The following ZP3 variants were observed in gnomAD, a reference collection of about 807,000 sequenced individuals.
ZP3 encodes the protein zona pellucida sperm-binding protein 3.
In ZP3, 21 loss-of-function variants were observed where a neutral mutation model predicts 35.6. The ratio of observed to expected loss-of-function variants is 0.59; its 90% confidence interval spans 0.42 to 0.85. ZP3 has a LOEUF of 0.85. Among genes scored for constraint, ZP3 ranks in the 40% least tolerant of loss-of-function variants. The pLI, the probability that ZP3 is intolerant of heterozygous loss-of-function variation, is 0.00. For missense variants in ZP3, 437 were observed against 536.5 expected (o/e 0.81, Z 1.83); for synonymous variants, 207 against 214.5 (o/e 0.96, Z 0.31).
chr7:76,401,878 C>G (rs1310429585), intron 1 of ZP3, among the ~76,000 whole-genome samples: 1 of 152,202 alleles, frequency 6.6e-6, no homozygotes, highest in African/African-American at 2.4e-5. Flanking sequence ...TGTCTCAACT[C>G]TGTGTCCCCA....
intron 1 of ZP3, among the ~76,000 whole-genome samples, chr7:76,427,837 C>T (rs966962415): frequency 3.3e-5 from 5 of 152,228 alleles, no homozygotes; most frequent in South Asian, 4.1e-4. Flanking sequence ...CACATGCCAC[C>T]GTGCCCAGCC....
At position 76,425,256 on chromosome 7, in the gene ZP3, G is replaced by C. The variant is rs751792813; in HGVS notation, c.292G>C (p.Glu98Gln). ...DVVRFEVGLH[E>Q]CGNSMQVTDD... The stretch of plus-strand genomic sequence containing the variant: ...GGTCAGGTTTGAGGTTGGACTCCAC[G>C]AGTGTGGCAACAGCATGCAGGTAAG... Residue 98 changes from glutamate (E) to glutamine (Q), a missense_variant, in exon 1 of 8, where the codon GAG becomes CAG. This residue lies in a region of ZP3 where 352 missense variants were observed against 308.4 expected (regional missense o/e 1.14). Transcript: ENST00000394857. The C allele has an allele frequency of 1.2e-5, 20 of 1,609,012 alleles. No homozygotes were observed. The highest frequency in any genetic ancestry group is 1.7e-5 in the Non-Finnish European group (20 of 1,176,930).
At chr7:76,427,278 A>G (rs1805696469) in intron 1 of ZP3, among the ~76,000 whole-genome samples, 1 of 152,104 alleles carries the variant, frequency 6.6e-6, no homozygotes, top group Non-Finnish European at 1.5e-5. Context: ...GCACTTTGGG[A>G]GGCCGAGGCG....
At chr7:76,425,318 C>T (rs766502929) in intron 1 of ZP3, 42 bp downstream of exon 1, 37 of 1,563,036 alleles carry the variant, frequency 2.4e-5, no homozygotes, top group Non-Finnish European at 2.9e-5. Context: ...GGAGGATGTT[C>T]GAGGCAGCCG....
intron 5 of ZP3, among the ~76,000 whole-genome samples, chr7:76,437,264 C>T (rs545941014): frequency 1.3e-5 from 2 of 150,786 alleles, no homozygotes; most frequent in African/African-American, 4.9e-5. Context: ...CAACCTCCAC[C>T]TCCTTATTCA....
At chr7:76,397,809 C>T in intron 1 of ZP3, 10 of 1,594,834 alleles carry the variant, frequency 6.3e-6, no homozygotes, top group South Asian at 1.1e-5. Context: ...TTCGCGCCCC[C>T]TACCAGGCGT....
chr7:76,416,642 A>T (rs1805375801), intron 1 of ZP3, among the ~76,000 whole-genome samples: 1 of 151,800 alleles, frequency 6.6e-6, no homozygotes. Flanking sequence ...CTCTGTCTCT[A>T]CAAAAAAATA....
Position 76,425,217 on chromosome 7 carries a change from G to C in ZP3, c.253G>C (p.Asp85His). 6.2e-7 allele frequency: 1 copy of C among 1,613,842 alleles called. No homozygotes were observed. The highest frequency in any genetic ancestry group is 1.1e-5 in the South Asian group (1 of 91,074). The change falls in exon 1 of 8, where the codon GAC (aspartate) becomes CAC (histidine). Residue 85 changes from aspartate (D) to histidine (H), a missense_variant. Physicochemically the swap from Asp to His is moderately conservative, Grantham distance 81. Around this residue, in one of 6 missense-constraint regions of ZP3, gnomAD observed 352 missense variants for 308.4 expected, o/e 1.14. Transcript: ENST00000394857. ...GGCCTGTGAGCCTCTGGTCTCCATG[G>C]ACACAGAAGATGTGGTCAGGTTTGA... is the stretch of plus-strand genomic sequence containing the variant. Reference protein sequence around the residue: ...PEACEPLVSMDTEDVVRFEVG... With the variant: ...PEACEPLVSMHTEDVVRFEVG...
exon 1 of ZP3, chr7:76,397,704 G>A (rs1273588925): frequency 6.2e-7 from 1 of 1,613,348 alleles, no homozygotes; most frequent in Non-Finnish European, 8.5e-7. Context: ...CCCAGCTGAC[G>A]ACAGACCACA....
At chr7:76,405,961 C>T (rs962602339) in intron 1 of ZP3, among the ~76,000 whole-genome samples, 18 of 145,168 alleles carry the variant, frequency 1.2e-4, no homozygotes, top group African/African-American at 4.7e-4. Context: ...TTCCTTCCTT[C>T]CTTCTTCCTT....
At chr7:76,406,286 C>T (rs1336473476) in intron 1 of ZP3, among the ~76,000 whole-genome samples, 1 of 152,064 alleles carries the variant, frequency 6.6e-6, no homozygotes, top group Non-Finnish European at 1.5e-5. Flanking sequence ...TCTGTGCATT[C>T]GAAATATAGT....
At chr7:76,423,864 A>G (rs2115877250), upstream of ZP3, among the ~76,000 whole-genome samples, 1 of 152,046 alleles carries the variant, frequency 6.6e-6, no homozygotes, top group Admixed American at 6.6e-5. Flanking sequence ...TGTCTCAAAA[A>G]AAAAAAAGAA....
chr7:76,440,147 C>G, intron 5 of ZP3, 103 bp from the exon 6 acceptor site: 37 of 1,476,662 alleles, frequency 2.5e-5, no homozygotes, highest in Non-Finnish European at 3.4e-5. Context: ...GCACCCGGCC[C>G]CTTCTCACTC....
At chr7:76,423,889 T>G (rs1379712117), upstream of ZP3, among the ~76,000 whole-genome samples, 4 of 148,810 alleles carry the variant, frequency 2.7e-5, no homozygotes, top group Non-Finnish European at 4.4e-5. Flanking sequence ...CTGGTCGGGG[T>G]GAGCTGAAGC....
chr7:76,429,718 C>T, intron 2 of ZP3, 85 bp downstream of exon 2: 1 of 1,136,158 alleles, frequency 8.8e-7, no homozygotes, highest in Non-Finnish European at 1.3e-6. Context: ...TGGGCTACAG[C>T]TTGCAGCATG....
At chr7:76,421,579 A>G (rs909291931), upstream of ZP3, among the ~76,000 whole-genome samples, 3 of 151,580 alleles carry the variant, frequency 2.0e-5, no homozygotes, top group Non-Finnish European at 4.4e-5. Context: ...AAAATTATAT[A>G]TATATACACA....
intron 1 of ZP3, among the ~76,000 whole-genome samples, chr7:76,428,185 C>T (rs1805725598): frequency 1.4e-5 from 2 of 144,624 alleles, no homozygotes; most frequent in Admixed American, 6.9e-5. Flanking sequence ...AAAAAAGGCA[C>T]GGTGGCACGT....
intron 5 of ZP3, among the ~76,000 whole-genome samples, chr7:76,436,872 A>G (rs1558180): frequency 0.15 from 22,637 of 146,218 alleles, no homozygotes; most frequent in South Asian, 0.22. Context: ...TGGTTTCTCA[A>G]TCTCTGGGGG....
intron 1 of ZP3, among the ~76,000 whole-genome samples, chr7:76,419,657 CTCTT>C (rs67878441): frequency 0.098 from 14,560 of 148,992 alleles, 1,054 homozygotes; most frequent in African/African-American, 0.21. Flanking sequence ...CTCTCTCTCT[CTCTT>C]TCTTTCTTTC....
Sources: gnomAD v4.1 joint callset for allele counts (sites outside exome capture counted in the v4.1 genomes callset) on GRCh38, gnomAD v4.1.1 for gene constraint, gnomAD v4.1.1 regional missense constraint, MANE v1.5 for transcripts, NCBI Gene and HGNC (gene_info 2026-07-23, HGNC 2026-07-21) for gene names.